Variants in ABTB3 observed in about 807,000 individuals in gnomAD.
The protein encoded by ABTB3 is ankyrin repeat- and BTB/POZ domain-containing protein 3.
the ABTB3 span, among the ~76,000 whole-genome samples, chr12:107,433,049 G>T: frequency 2.0e-5 from 3 of 152,038 alleles, no homozygotes; most frequent in Non-Finnish European, 4.4e-5. Context: ...ACTTTGGGAG[G>T]CCGAGGCGGG....
At chr12:107,582,811 G>T in the ABTB3 span, among the ~76,000 whole-genome samples, 5 of 152,156 alleles carry the variant, frequency 3.3e-5, no homozygotes, top group African/African-American at 7.2e-5. Flanking sequence ...CACATTCTGC[G>T]TGCAGGCTCA....
the ABTB3 span, chr12:107,616,993 G>C: frequency 8.0e-7 from 1 of 1,244,490 alleles, no homozygotes; most frequent in Non-Finnish European, 1.2e-6. Context: ...AGGGAGGGAA[G>C]GAGTGCTGGC....
chr12:107,495,293 G>T, the ABTB3 span, among the ~76,000 whole-genome samples: 1 of 152,210 alleles, frequency 6.6e-6, no homozygotes, highest in Admixed American at 6.5e-5. Context: ...ACCTGCACGG[G>T]CTCAGCCACG....
chr12:107,332,069 G>T, the ABTB3 span, among the ~76,000 whole-genome samples: 17 of 152,238 alleles, frequency 1.1e-4, no homozygotes, highest in Non-Finnish European at 2.4e-4. Context: ...AGCTGGGAGC[G>T]TGTGCTGGGG....
At chr12:107,445,800 T>C in the ABTB3 span, among the ~76,000 whole-genome samples, 1 of 152,072 alleles carries the variant, frequency 6.6e-6, no homozygotes, top group South Asian at 2.1e-4. Flanking sequence ...AAAGGCCACT[T>C]AGATTCCTTG....
chr12:107,639,159 G>A, the ABTB3 span, among the ~76,000 whole-genome samples: 3 of 152,208 alleles, frequency 2.0e-5, no homozygotes, highest in African/African-American at 7.2e-5. Context: ...TGTGTGCAGA[G>A]CCCCAGAGGG....
the ABTB3 span, chr12:107,635,460 A>G: frequency 1.4e-6 from 2 of 1,450,800 alleles, no homozygotes; most frequent in Non-Finnish European, 1.9e-6. Context: ...AAAGAATGCC[A>G]TAAGGAATGC....
chr12:107,518,446 C>T, the ABTB3 span, among the ~76,000 whole-genome samples: 2 of 152,060 alleles, frequency 1.3e-5, no homozygotes, highest in African/African-American at 2.4e-5. Context: ...AGTTCATGTC[C>T]TTTGTAGGGA....
chr12:107,456,458 G>A, the ABTB3 span, among the ~76,000 whole-genome samples: 32 of 152,278 alleles, frequency 2.1e-4, no homozygotes, highest in African/African-American at 6.5e-4. Flanking sequence ...GACCTAAGTC[G>A]TGCGCTCCTT....
At chr12:107,400,200 C>T in the ABTB3 span, among the ~76,000 whole-genome samples, 1 of 152,070 alleles carries the variant, frequency 6.6e-6, no homozygotes, top group African/African-American at 2.4e-5. Flanking sequence ...TGGGTATATA[C>T]CAAGTAATGG....
At chr12:107,655,118 C>G in the ABTB3 span, among the ~76,000 whole-genome samples, 1 of 152,228 alleles carries the variant, frequency 6.6e-6, no homozygotes, top group African/African-American at 2.4e-5. Flanking sequence ...TTCACAATCC[C>G]ATTTTAATCT....
At chr12:107,484,184 A>G in the ABTB3 span, among the ~76,000 whole-genome samples, 1 of 152,234 alleles carries the variant, frequency 6.6e-6, no homozygotes, top group Non-Finnish European at 1.5e-5. Context: ...TGAAATAGAT[A>G]GTCTACCAGC....
chr12:107,638,341 GA>G, the ABTB3 span, among the ~76,000 whole-genome samples: 1 of 152,186 alleles, frequency 6.6e-6, no homozygotes, highest in Non-Finnish European at 1.5e-5. Flanking sequence ...GCAGTCTGGG[GA>G]AAATGCAGCC....
chr12:107,432,078 T>C, the ABTB3 span, among the ~76,000 whole-genome samples: 1 of 152,224 alleles, frequency 6.6e-6, no homozygotes, highest in African/African-American at 2.4e-5. Flanking sequence ...GGTTATGTTG[T>C]CCAGCCCACA....
At chr12:107,382,012 T>C in the ABTB3 span, among the ~76,000 whole-genome samples, 1 of 152,192 alleles carries the variant, frequency 6.6e-6, no homozygotes, top group Admixed American at 6.5e-5. Flanking sequence ...GGAGATACAG[T>C]CGTGACCAAA....
the ABTB3 span, among the ~76,000 whole-genome samples, chr12:107,631,026 C>T: frequency 6.6e-6 from 1 of 152,100 alleles, no homozygotes; most frequent in African/African-American, 2.4e-5. Context: ...GTTTGGGCTT[C>T]AATTGAATCC....
the ABTB3 span, chr12:107,620,205 C>T: frequency 2.5e-6 from 4 of 1,604,058 alleles, no homozygotes; most frequent in East Asian, 2.2e-5. Flanking sequence ...CGGCAGAGAA[C>T]AAAGCTGGAG....
At chr12:107,529,279 TG>T in the ABTB3 span, among the ~76,000 whole-genome samples, 4 of 151,406 alleles carry the variant, frequency 2.6e-5, no homozygotes, top group Non-Finnish European at 5.9e-5. Flanking sequence ...ATGATGGTGA[TG>T]GTGATGATGA....
At chr12:107,447,069 G>A in the ABTB3 span, among the ~76,000 whole-genome samples, 4 of 152,186 alleles carry the variant, frequency 2.6e-5, no homozygotes, top group Admixed American at 6.5e-5. Context: ...AGAACACTGT[G>A]GGGGACCAGA....
Sources: allele counts gnomAD v4.1 joint callset (sites outside exome capture counted in the v4.1 genomes callset), GRCh38; gene constraint gnomAD v4.1.1; transcripts MANE v1.5; gene names NCBI Gene and HGNC (gene_info 2026-07-23, HGNC 2026-07-21).